Variants in STUM observed in about 807,000 individuals in gnomAD.
STUM encodes the protein stum, mechanosensory transduction mediator homolog.
In STUM, 8 loss-of-function variants were observed where a neutral mutation model predicts 15.3. The observed-to-expected ratio is 0.52, with a 90% CI of 0.31 to 0.94. The LOEUF (loss-of-function observed/expected upper bound fraction) is 0.94. Ranked by LOEUF, STUM falls within the 40% of genes least tolerant of loss-of-function variation. The probability of loss-of-function intolerance (pLI) is 0.05; values close to 1 mark genes in which losing one functional copy is unlikely to be tolerated. For synonymous variants in STUM, 78 were observed against 88.7 expected, an observed-to-expected ratio of 0.88 and a Z score of 0.68; for missense variants, 142 against 204.9, an observed-to-expected ratio of 0.69 and a Z score of 1.87.
At position 226,549,819 on chromosome 1, in the gene STUM, G is replaced by A. The variant is rs984189341; in HGVS notation, c.202+713G>A. Among the ~76,000 whole-genome samples, 3 of 152,248 alleles carry A rather than the reference G, an allele frequency of 2.0e-5. No homozygotes were observed. The highest frequency in any genetic ancestry group is 7.2e-5 in the African/African-American group (3 of 41,478). ...CCTGAGAAGTAGAGAGTGCGCCGATGTAATTCTGTGCAGGACTCCGGCAGC... is the reference window on the plus strand; with the variant it reads ...CCTGAGAAGTAGAGAGTGCGCCGATATAATTCTGTGCAGGACTCCGGCAGC... On this transcript the variant is annotated intron_variant, in intron 1 of 3. Coordinates refer to ENST00000366788, the MANE Select transcript of STUM (RefSeq NM_001003665.4). This position sits in a 1 kb window ranked among gnomAD's most constrained non-coding sequence, Gnocchi z 6.8.
chr1:226,579,829 C>G (rs1667890692), intron 1 of STUM, among the ~76,000 whole-genome samples: 1 of 152,046 alleles, frequency 6.6e-6, no homozygotes, highest in South Asian at 2.1e-4. Context: ...GAGATGGAGC[C>G]TCCCTGTGTT....
At position 226,565,430 on chromosome 1, in the gene STUM, G is replaced by T. The variant is rs1667606065; in HGVS notation, c.202+16324G>T. Among the ~76,000 whole-genome samples, 1 of 152,186 alleles carries T rather than the reference G, an allele frequency of 6.6e-6. No individual in the cohort carries two copies. Among genetic ancestry groups the T allele is most frequent in the African/African-American group, 2.4e-5 (1 of 41,444 alleles). ...TAGACTGTGGGGTCCTGAACCACCA[G>T]CCTTGGCATACTACTGCTCCCCCAC... On this transcript the variant is annotated intron_variant, in intron 1 of 3. Transcript: ENST00000366788. The surrounding 1 kb of genome is among the most constrained non-coding windows in gnomAD (Gnocchi z 4.4).
At chr1:226,596,081 G>T (rs559338801) in intron 1 of STUM, among the ~76,000 whole-genome samples, 1 of 152,156 alleles carries the variant, frequency 6.6e-6, no homozygotes, top group Non-Finnish European at 1.5e-5. Flanking sequence ...ACCCATAGGG[G>T]CTGAGTCTTA....
At chr1:226,571,001 C>T (rs988554310) in intron 1 of STUM, among the ~76,000 whole-genome samples, 11 of 152,188 alleles carry the variant, frequency 7.2e-5, no homozygotes, top group African/African-American at 9.6e-5. Flanking sequence ...GAGGCCGAGG[C>T]GGGAGGATCA....
At chr1:226,561,526 T>A (rs663060) in intron 1 of STUM, among the ~76,000 whole-genome samples, 27,566 of 151,610 alleles carry the variant, frequency 0.18, 3,162 homozygotes, top group African/African-American at 0.33. Flanking sequence ...CAGAGGAGAG[T>A]TGTTGCTAGG....
chr1:226,558,498 G>A (rs1027131346), intron 1 of STUM, among the ~76,000 whole-genome samples: 2 of 152,138 alleles, frequency 1.3e-5, no homozygotes, highest in Admixed American at 6.5e-5. Flanking sequence ...CACACGTGAC[G>A]TGCTGGCTTG....
intron 1 of STUM, among the ~76,000 whole-genome samples, chr1:226,579,554 C>T (rs1667885018): frequency 6.6e-6 from 1 of 152,072 alleles, no homozygotes; most frequent in South Asian, 2.1e-4. Flanking sequence ...CCGTGGAGGC[C>T]TCCCCAGGAA....
chr1:226,568,357 C>G (rs908039099), intron 1 of STUM, among the ~76,000 whole-genome samples: 109 of 152,232 alleles, frequency 7.2e-4, no homozygotes, highest in African/African-American at 2.6e-3. Context: ...GTGGGTTGTT[C>G]AGGGCCTATC....
At chr1:226,554,672 A>T (rs72752512) in intron 1 of STUM, among the ~76,000 whole-genome samples, 20,935 of 152,202 alleles carry the variant, frequency 0.14, 1,623 homozygotes, top group African/African-American at 0.21. Context: ...GGGAAGCATC[A>T]GAATTCCCAG....
intron 1 of STUM, among the ~76,000 whole-genome samples, chr1:226,573,709 G>A (rs886436693): frequency 1.3e-5 from 2 of 152,002 alleles, no homozygotes; most frequent in South Asian, 2.1e-4. Context: ...TTTGATATAC[G>A]TAGTGAAATG....
intron 1 of STUM, among the ~76,000 whole-genome samples, chr1:226,562,747 A>G (rs1392570739): frequency 6.6e-6 from 1 of 152,330 alleles, no homozygotes; most frequent in African/African-American, 2.4e-5. Context: ...TCTAAAACAC[A>G]TGACAGCTGT....
rs188130821 is a variant in STUM at position 226,559,998 on chromosome 1, G to T, written c.202+10892G>T. ...CAAAAAAAAAAAAAAAATTAGCCAG[G>T]TATGATGGCGGGCGCCTGTAATCCC... is the stretch of plus-strand genomic sequence containing the variant. On this transcript the variant is annotated intron_variant, in intron 1 of 3. Transcript: ENST00000366788. Among the ~76,000 whole-genome samples the T allele has an allele frequency of 2.7e-3, 413 of 151,710 alleles. 3 individuals are homozygous for T. The highest frequency in any genetic ancestry group is 4.7e-3 in the Admixed American group (72 of 15,260).
At chr1:226,579,484 G>A (rs772737912) in intron 1 of STUM, among the ~76,000 whole-genome samples, 3 of 152,132 alleles carry the variant, frequency 2.0e-5, no homozygotes, top group African/African-American at 4.8e-5. Flanking sequence ...AATCCCACCC[G>A]CAAGTGTGAG....
chr1:226,592,142 G>C (rs1324900770), intron 1 of STUM, among the ~76,000 whole-genome samples: 1 of 152,188 alleles, frequency 6.6e-6, no homozygotes, highest in African/African-American at 2.4e-5. Flanking sequence ...CTGCCTCCCG[G>C]CTTCAAACGA....
chr1:226,596,305 C>T (rs1331014332), intron 1 of STUM, among the ~76,000 whole-genome samples: 4 of 152,166 alleles, frequency 2.6e-5, no homozygotes, highest in Non-Finnish European at 5.9e-5. Flanking sequence ...TGTCCCTTAG[C>T]GAGCAGCATG....
chr1:226,590,828 C>T (rs1024943920), intron 1 of STUM, among the ~76,000 whole-genome samples: 1 of 152,208 alleles, frequency 6.6e-6, no homozygotes, highest in Non-Finnish European at 1.5e-5. Flanking sequence ...CTCCATGAGT[C>T]CCCATCAGCT....
At chr1:226,597,111 C>A in intron 2 of STUM, 130 bp downstream of exon 2, 1 of 895,102 alleles carries the variant, frequency 1.1e-6, no homozygotes. Flanking sequence ...AGGGCTTGCC[C>A]GTGTCCTCTT....
chr1:226,586,286 A>T (rs1371454783), intron 1 of STUM, among the ~76,000 whole-genome samples: 2 of 151,860 alleles, frequency 1.3e-5, no homozygotes, highest in African/African-American at 4.8e-5. Context: ...CTGGCTATGA[A>T]CTCCCACTGG....
At chr1:226,601,293 A>G (rs1262992117) in intron 3 of STUM, among the ~76,000 whole-genome samples, 2 of 152,058 alleles carry the variant, frequency 1.3e-5, no homozygotes, top group Admixed American at 1.3e-4. Flanking sequence ...CGCCCAGTTA[A>G]TTTTTTGTAT....
Sources: gnomAD v4.1 joint callset for allele counts (sites outside exome capture counted in the v4.1 genomes callset) on GRCh38, gnomAD v4.1.1 for gene constraint, Gnocchi (gnomAD v3.1) non-coding constraint, MANE v1.5 for transcripts, NCBI Gene and HGNC (gene_info 2026-07-23, HGNC 2026-07-21) for gene names.